The following SLC28A3 variants were observed in gnomAD, a reference collection of about 807,000 sequenced individuals.
The protein encoded by SLC28A3 is solute carrier family 28 member 3.
Under a neutral mutation model 84.2 loss-of-function variants are expected in SLC28A3, and 68 were observed. The ratio of observed to expected loss-of-function variants is 0.81; its 90% confidence interval spans 0.66 to 0.99. The LOEUF is 0.99. Ranked by LOEUF, SLC28A3 falls within the 50% of genes least tolerant of loss-of-function variation. The pLI, the probability that SLC28A3 is intolerant of heterozygous loss-of-function variation, is 0.00. For synonymous variants in SLC28A3, 267 were observed against 303.6 expected, an observed-to-expected ratio of 0.88 and a Z score of 1.25; for missense variants, 712 against 841.5, an observed-to-expected ratio of 0.85 and a Z score of 1.90.
chr9:84,319,762 A>G (rs1047222214), intron 1 of SLC28A3, among the ~76,000 whole-genome samples: 6 of 152,068 alleles, frequency 3.9e-5, no homozygotes, highest in Admixed American at 6.6e-5. Flanking sequence ...AGAACTTCCT[A>G]TGCATTTGGG....
At chr9:84,314,890 A>G (rs995327359) in intron 1 of SLC28A3, among the ~76,000 whole-genome samples, 1 of 152,210 alleles carries the variant, frequency 6.6e-6, no homozygotes. Flanking sequence ...CATCCTGGCT[A>G]ACATGGTGAA....
Position 84,305,286 on chromosome 9 carries a change from A to G in SLC28A3, c.302T>C (p.Leu101Pro). ...CGFCRKHKTT[L>P]RHIIWGILLA... ...TAAAATGCCCCAGATGATGTGCCGA[A>G]GAGTTGTTTTGTGTTTCCTACAGAA... is the stretch of plus-strand genomic sequence containing the variant. The change falls in exon 4 of 18, where the codon CTT (leucine) becomes CCT (proline). Residue 101 changes from leucine to proline, a missense_variant. Physicochemically the swap from Leu to Pro is moderately conservative, Grantham distance 98 (BLOSUM62 -3). Transcript: ENST00000376238. 1 of 1,613,998 alleles carries G rather than the reference A, an allele frequency of 6.2e-7. No homozygotes were observed. The highest frequency in any genetic ancestry group is 8.5e-7 in the Non-Finnish European group (1 of 1,179,998).
intron 14 of SLC28A3, among the ~76,000 whole-genome samples, chr9:84,282,681 C>T (rs1824805088): frequency 6.6e-6 from 1 of 152,212 alleles, no homozygotes; most frequent in South Asian, 2.1e-4. Context: ...CTATAGGAAG[C>T]TCAGAAGATT....
chr9:84,298,026 A>G lies in SLC28A3; in HGVS notation c.670-7T>C. 1 of 1,601,070 alleles carries G rather than the reference A, an allele frequency of 6.2e-7. No homozygotes were observed. The highest frequency in any genetic ancestry group is 1.1e-5 in the South Asian group (1 of 88,772). The stretch of plus-strand genomic sequence containing the variant: ...AGACAGGTCTCCAGTAAACCTATAC[A>G]GAAAGATCAAGTGATATGTCTTAGT... On this transcript the variant is annotated splice_region_variant and splice_polypyrimidine_tract_variant and intron_variant, in intron 6 of 17. Coordinates refer to ENST00000376238, the MANE Select transcript of SLC28A3 (RefSeq NM_001199633.2).
intron 1 of SLC28A3, among the ~76,000 whole-genome samples, chr9:84,313,674 G>C (rs1826067132): frequency 6.6e-6 from 1 of 151,910 alleles, no homozygotes; most frequent in South Asian, 2.1e-4. Flanking sequence ...CAGCATGATG[G>C]GAGGCCGAAG....
chr9:84,343,613 A>G (rs1827205137), upstream of SLC28A3, among the ~76,000 whole-genome samples: 1 of 152,202 alleles, frequency 6.6e-6, no homozygotes, highest in African/African-American at 2.4e-5. Flanking sequence ...AGATTTTTAA[A>G]TGGTTGAAAA....
intron 16 of SLC28A3, 54 bp from the exon 17 acceptor site, chr9:84,279,439 A>G: frequency 4.9e-6 from 6 of 1,216,840 alleles, no homozygotes; most frequent in Non-Finnish European, 6.3e-6. Context: ...TTATTTATGT[A>G]TTTATATATT....
intron 1 of SLC28A3, among the ~76,000 whole-genome samples, chr9:84,323,371 C>T (rs1391913755): frequency 6.6e-6 from 1 of 151,954 alleles, no homozygotes; most frequent in African/African-American, 2.4e-5. Context: ...TGACTAAAGC[C>T]TCAACTCTTC....
intron 14 of SLC28A3, 69 bp from the exon 15 acceptor site, chr9:84,280,951 G>T: frequency 1.4e-6 from 2 of 1,438,180 alleles, no homozygotes; most frequent in Non-Finnish European, 9.7e-7. Flanking sequence ...CATCCAACTG[G>T]GCTTCATTTT....
At chr9:84,334,002 T>G (rs937669320) in intron 1 of SLC28A3, among the ~76,000 whole-genome samples, 1 of 152,244 alleles carries the variant, frequency 6.6e-6, no homozygotes. Context: ...TGCAACACCA[T>G]GTGAATCTTA....
At chr9:84,299,134 A>T (rs1403859290) in intron 6 of SLC28A3, among the ~76,000 whole-genome samples, 1 of 152,196 alleles carries the variant, frequency 6.6e-6, no homozygotes, top group Non-Finnish European at 1.5e-5. Flanking sequence ...CAGAACTAGG[A>T]TAAGAGTTGA....
intron 1 of SLC28A3, among the ~76,000 whole-genome samples, chr9:84,318,186 T>C (rs1420811909): frequency 6.6e-6 from 1 of 152,214 alleles, no homozygotes. Context: ...AGCTAGACCA[T>C]TCCCCAGAGA....
At position 84,311,532 on chromosome 9, in the gene SLC28A3, C is replaced by T. The variant is rs75705613; in HGVS notation, c.157-1818G>A. ...TGGCATGTATCCACCATTGTAGTATCAGGCATACTAGTTTCATGGCCCTAA... is the reference window on the plus strand; with the variant it reads ...TGGCATGTATCCACCATTGTAGTATTAGGCATACTAGTTTCATGGCCCTAA... On this transcript the variant is annotated intron_variant, in intron 2 of 17. Coordinates refer to ENST00000376238, the MANE Select transcript of SLC28A3 (RefSeq NM_001199633.2). 5.2e-3 allele frequency among the ~76,000 whole-genome samples: 790 copies of T among 151,652 alleles called. 3 individuals are homozygous for T. Among genetic ancestry groups the T allele is most frequent in the Admixed American group, 7.0e-3 (107 of 15,208 alleles).
rs765734188 is a variant in SLC28A3, at chr9:84,309,696, C to T, written c.175G>A (p.Val59Ile). The T allele has an allele frequency of 6.8e-6, 11 of 1,613,922 alleles. No homozygotes were observed. The South Asian group carries it at 1.2e-4, about 18-fold the overall frequency. Residue 59 changes from valine (V) to isoleucine (I), a missense_variant, in exon 3 of 18, where the codon GTT (valine) becomes ATT (isoleucine). Transcript: ENST00000376238. ...CTGTTTCTTGGAGAATCCTGCTCAA[C>T]TGTGACCTGTTCTTCATCCTGGAAA... The part of the protein sequence containing the change: ...NTKQDEEQVT[V>I]EQDSPRNREH...
chr9:84,286,163 G>C (rs1213052422), intron 12 of SLC28A3, 52 bp from the exon 13 acceptor site: 25 of 1,556,704 alleles, frequency 1.6e-5, no homozygotes, highest in Non-Finnish European at 2.2e-5. Context: ...TCAGGGGATG[G>C]ACACCATTGG....
chr9:84,348,969 G>A, the SLC28A3 span, among the ~76,000 whole-genome samples: 38 of 151,910 alleles, frequency 2.5e-4, no homozygotes, highest in African/African-American at 8.9e-4. Flanking sequence ...GTACAGTGGG[G>A]CGATCTCGGC....
chr9:84,347,515 C>T, the SLC28A3 span, among the ~76,000 whole-genome samples: 2 of 152,132 alleles, frequency 1.3e-5, no homozygotes, highest in African/African-American at 2.4e-5. Flanking sequence ...GAATTAATAC[C>T]TCAACATGCT....
intron 1 of SLC28A3, among the ~76,000 whole-genome samples, chr9:84,318,732 G>T (rs1826257233): frequency 6.6e-6 from 1 of 152,072 alleles, no homozygotes; most frequent in Admixed American, 6.6e-5. Flanking sequence ...AGCCGGGCGT[G>T]GTGGCCTGTG....
chr9:84,292,147 T>C (rs1825249584), intron 10 of SLC28A3, among the ~76,000 whole-genome samples: 2 of 152,212 alleles, frequency 1.3e-5, no homozygotes, highest in Admixed American at 1.3e-4. Flanking sequence ...TGCATGGTTG[T>C]TGGTGGAAAG....
Sources: gnomAD v4.1 joint callset for allele counts (sites outside exome capture counted in the v4.1 genomes callset) on GRCh38, gnomAD v4.1.1 for gene constraint, MANE v1.5 for transcripts, NCBI Gene and HGNC (gene_info 2026-07-23, HGNC 2026-07-21) for gene names.